MSI2: variants seen among roughly 807,000 people sequenced by gnomAD.
MSI2 encodes the protein musashi RNA binding protein 2, also known as RNA-binding protein Musashi homolog 2.
A neutral mutation model predicts 45.6 loss-of-function variants in MSI2; 17 were observed. The ratio of observed to expected loss-of-function variants is 0.37; its 90% CI spans 0.26 to 0.56. The LOEUF (loss-of-function observed/expected upper bound fraction) is 0.56. MSI2 is among the 20% of genes least tolerant of loss of function. MSI2 has a pLI of 0.77. For missense variants in MSI2, 293 were observed against 444.2 expected (o/e 0.66, Z 3.06); for synonymous variants, 156 against 158.2 (o/e 0.99, Z 0.11).
At chr17:57,605,529 G>A (rs183161723) in intron 8 of MSI2, among the ~76,000 whole-genome samples, 43 of 152,232 alleles carry the variant, frequency 2.8e-4, no homozygotes, top group Non-Finnish European at 4.6e-4. Flanking sequence ...CCCCCAGGGC[G>A]CAGGGTCATG....
intron 6 of MSI2, among the ~76,000 whole-genome samples, chr17:57,470,886 G>T (rs1337796189): frequency 6.6e-6 from 1 of 152,224 alleles, no homozygotes; most frequent in Non-Finnish European, 1.5e-5. Flanking sequence ...TGCAAAATGA[G>T]GTTAACAACA....
At chr17:57,668,086 G>C (rs1912505874) in intron 11 of MSI2, among the ~76,000 whole-genome samples, 1 of 152,096 alleles carries the variant, frequency 6.6e-6, no homozygotes, top group Non-Finnish European at 1.5e-5. Flanking sequence ...GTAATCCCAG[G>C]TACTCAGAAG....
At position 57,339,410 on chromosome 17, in the gene MSI2, CCTTCAG is replaced by C. The variant is rs145711998; in HGVS notation, c.313-61966_313-61961del. On this transcript the variant is annotated intron_variant, in intron 5 of 13. Coordinates refer to ENST00000284073, the MANE Select transcript of MSI2 (RefSeq NM_138962.4). ...CTTCTGTTTGATCTGCACTGACCAT[CCTTCAG>C]CTCCTGCCTCCACTTGCGTGATGCT... is the stretch of plus-strand genomic sequence containing the variant. 3.7e-4 allele frequency among the ~76,000 whole-genome samples: 56 copies of C among 152,320 alleles called. No homozygotes were observed. In the East Asian group the frequency reaches 0.01, roughly 28 times the overall value.
chr17:57,423,368 T>C (rs557780590), intron 6 of MSI2, among the ~76,000 whole-genome samples: 2 of 152,358 alleles, frequency 1.3e-5, no homozygotes, highest in Non-Finnish European at 2.9e-5. Context: ...AAAGACCTGC[T>C]AATTTCCTTT....
chr17:57,442,858 C>A (rs939249690), intron 6 of MSI2, among the ~76,000 whole-genome samples: 1 of 152,216 alleles, frequency 6.6e-6, no homozygotes, highest in African/African-American at 2.4e-5. Context: ...CTCCTTGAAA[C>A]AGGAGAGCCT....
intron 6 of MSI2, among the ~76,000 whole-genome samples, chr17:57,463,254 T>G (rs571244797): frequency 1.3e-5 from 2 of 152,244 alleles, no homozygotes; most frequent in African/African-American, 4.8e-5. Context: ...TCCAGCATTG[T>G]GTATGTAGGA....
intron 5 of MSI2, among the ~76,000 whole-genome samples, chr17:57,388,680 T>A (rs8070061): frequency 2.0e-5 from 3 of 151,938 alleles, no homozygotes; most frequent in South Asian, 4.1e-4. Context: ...TTTTGGAGAC[T>A]TCTTGCTTTG....
At chr17:57,296,315 G>A (rs1002683691) in intron 5 of MSI2, among the ~76,000 whole-genome samples, 6 of 152,054 alleles carry the variant, frequency 3.9e-5, no homozygotes, top group African/African-American at 1.4e-4. Flanking sequence ...TTTGAAGCCG[G>A]CTGGCTTTGT....
At chr17:57,316,409 C>G (rs1348287492) in intron 5 of MSI2, among the ~76,000 whole-genome samples, 2 of 151,496 alleles carry the variant, frequency 1.3e-5, no homozygotes, top group South Asian at 2.1e-4. Flanking sequence ...CTCACTGTAC[C>G]CTTGACCTCC....
At chr17:57,553,603 T>G (rs572894411) in intron 7 of MSI2, among the ~76,000 whole-genome samples, 1 of 152,328 alleles carries the variant, frequency 6.6e-6, no homozygotes, top group African/African-American at 2.4e-5. Flanking sequence ...GTTTTTTTCT[T>G]TTGAAATAGA....
At chr17:57,463,148 T>C (rs1229069839) in intron 6 of MSI2, among the ~76,000 whole-genome samples, 1 of 152,188 alleles carries the variant, frequency 6.6e-6, no homozygotes, top group Non-Finnish European at 1.5e-5. Flanking sequence ...CTCTCCCTTC[T>C]GCTAGGACCC....
chr17:57,601,434 CTG>C (rs1279742043), intron 8 of MSI2: 2 of 152,294 alleles, frequency 1.3e-5, no homozygotes, highest in African/African-American at 4.8e-5. Context: ...CCTGGCCACT[CTG>C]TGTGCCCCAG....
intron 5 of MSI2, 56 bp from the exon 6 acceptor site, chr17:57,401,323 A>G: frequency 7.1e-7 from 1 of 1,412,658 alleles, no homozygotes; most frequent in Non-Finnish European, 1.0e-6. Context: ...CAGCCTCTTG[A>G]GCCCTGCTTT....
chr17:57,648,717 T>C (rs896825255), intron 10 of MSI2, among the ~76,000 whole-genome samples: 25 of 152,148 alleles, frequency 1.6e-4, no homozygotes, highest in African/African-American at 5.8e-4. Context: ...CCCGAGGCCC[T>C]ATGAAGAAGC....
chr17:57,590,323 C>T (rs529179570), intron 7 of MSI2, among the ~76,000 whole-genome samples: 3 of 152,174 alleles, frequency 2.0e-5, no homozygotes, highest in Non-Finnish European at 4.4e-5. Context: ...AAAAAAAATT[C>T]TCTTGTAAGT....
intron 7 of MSI2, among the ~76,000 whole-genome samples, chr17:57,560,663 G>A (rs1437615340): frequency 6.6e-6 from 1 of 152,190 alleles, no homozygotes; most frequent in Admixed American, 6.5e-5. Flanking sequence ...ACACATGCCT[G>A]CTATTATTTA....
intron 11 of MSI2, among the ~76,000 whole-genome samples, chr17:57,656,689 C>T (rs991490521): frequency 6.6e-6 from 1 of 152,296 alleles, no homozygotes; most frequent in Admixed American, 6.5e-5. Flanking sequence ...ATGGAGGTGA[C>T]TGGCACAGTT....
At chr17:57,372,999 G>A (rs1044061188) in intron 5 of MSI2, among the ~76,000 whole-genome samples, 1 of 152,036 alleles carries the variant, frequency 6.6e-6, no homozygotes, top group Non-Finnish European at 1.5e-5. Context: ...CTGTAATCCC[G>A]ACACTTTATG....
chr17:57,481,707 C>G (rs949052992), intron 6 of MSI2, among the ~76,000 whole-genome samples: 1 of 152,162 alleles, frequency 6.6e-6, no homozygotes, highest in Admixed American at 6.5e-5. Flanking sequence ...ACTTTTACCC[C>G]TTTGCAGAAG....
Sources: allele counts gnomAD v4.1 joint callset (sites outside exome capture counted in the v4.1 genomes callset), GRCh38; gene constraint gnomAD v4.1.1; transcripts MANE v1.5; gene names NCBI Gene and HGNC (gene_info 2026-07-23, HGNC 2026-07-21).